The following CACNA1E variants were observed in gnomAD, a reference collection of about 807,000 sequenced individuals.
CACNA1E encodes the protein calcium voltage-gated channel subunit alpha1 E.
Under a neutral mutation model 259.2 loss-of-function variants are expected in CACNA1E, and 40 were observed. That is an observed-to-expected ratio of 0.15 (90% CI 0.12 to 0.20). CACNA1E has a LOEUF of 0.20. CACNA1E is among the 10% of genes least tolerant of loss of function. The pLI is 1.00. For missense variants in CACNA1E, 1,874 were observed against 3,040.1 expected (o/e 0.62, Z 9.02); for synonymous variants, 1,104 against 1,138.5 (o/e 0.97, Z 0.61).
intron 1 of CACNA1E, among the ~76,000 whole-genome samples, chr1:181,394,713 T>TTC (rs1452252201): frequency 6.6e-6 from 1 of 152,128 alleles, no homozygotes; most frequent in Non-Finnish European, 1.5e-5. Flanking sequence ...TAAGGTGATA[T>TTC]TTGAGCAAAT....
chr1:181,365,755 A>T (rs187377710), intron 1 of CACNA1E, among the ~76,000 whole-genome samples: 268 of 152,344 alleles, frequency 1.8e-3, no homozygotes, highest in Non-Finnish European at 1.8e-3. Context: ...GGCTGGGGCC[A>T]TGGACCTGCT....
chr1:181,780,215 C>A (rs1403871103), intron 38 of CACNA1E, among the ~76,000 whole-genome samples: 1 of 152,198 alleles, frequency 6.6e-6, no homozygotes, highest in Admixed American at 6.5e-5. Context: ...TGAAGCACTA[C>A]TGAGAGAGTC....
At chr1:181,319,341 TGA>T (rs1330403328) in intron 1 of CACNA1E, among the ~76,000 whole-genome samples, 1 of 152,192 alleles carries the variant, frequency 6.6e-6, no homozygotes, top group Admixed American at 6.5e-5. Flanking sequence ...TTATCTCCAC[TGA>T]GGTCAGAACC....
At chr1:181,785,107 G>A (rs145042507) in intron 41 of CACNA1E, among the ~76,000 whole-genome samples, 2 of 152,224 alleles carry the variant, frequency 1.3e-5, no homozygotes, top group African/African-American at 2.4e-5. Flanking sequence ...ATCACTAGGT[G>A]GGCATGCAAG....
rs1284790703 is a variant in CACNA1E at position 181,485,188 on chromosome 1, T to C, written c.266+1178T>C. On this transcript the variant is annotated intron_variant, in intron 1 of 47. Transcript: ENST00000367573. This position sits in a 1 kb window ranked among gnomAD's most constrained non-coding sequence, Gnocchi z 4.2. ...TGCATCTGCAATGGAGGCCCCTTCT[T>C]TTCTCCCCTATTCTCCCTCTTTCCC... 6.6e-6 allele frequency among the ~76,000 whole-genome samples: 1 copy of C among 152,076 alleles called. No homozygotes were observed. The highest frequency in any genetic ancestry group is 1.5e-5 in the Non-Finnish European group (1 of 68,006).
chr1:181,757,027 C>T lies in CACNA1E; in HGVS notation c.4230C>T (p.Phe1410=). The T allele has an allele frequency of 6.2e-7, 1 of 1,613,724 alleles. No homozygotes were observed. The highest frequency in any genetic ancestry group is 1.1e-5 in the South Asian group (1 of 91,078). ...SIFYVVYFVV[F]PFFFVNIFVA... ...TTTATGTAGTCTACTTTGTGGTCTT[C>T]CCCTTCTTCTTTGTCAATATCTTTG... is the stretch of plus-strand genomic sequence containing the variant. Residue 1410 remains phenylalanine (F), a synonymous_variant, in exon 30 of 48, where the codon TTC becomes TTT. Transcript: ENST00000367573.
At chr1:181,421,679 T>C (rs1319034069) in intron 2 of CACNA1E, among the ~76,000 whole-genome samples, 2 of 152,180 alleles carry the variant, frequency 1.3e-5, no homozygotes, top group Non-Finnish European at 2.9e-5. Flanking sequence ...ATATTCTCAT[T>C]ATCTTTTATT....
intron 1 of CACNA1E, among the ~76,000 whole-genome samples, chr1:181,346,123 G>A (rs1652575214): frequency 6.6e-6 from 1 of 152,204 alleles, no homozygotes; most frequent in Admixed American, 6.5e-5. Context: ...GGGCACTGAA[G>A]GTCAGCGAGG....
intron 1 of CACNA1E, among the ~76,000 whole-genome samples, chr1:181,335,713 G>A (rs979842898): frequency 5.3e-5 from 8 of 152,250 alleles, no homozygotes; most frequent in Middle Eastern, 6.8e-3. Flanking sequence ...ATCTCCATTC[G>A]TCTATGTGGA....
At chr1:181,543,965 C>G (rs907463881) in intron 3 of CACNA1E, among the ~76,000 whole-genome samples, 1 of 152,132 alleles carries the variant, frequency 6.6e-6, no homozygotes, top group African/African-American at 2.4e-5. Flanking sequence ...AGCTATTTCA[C>G]CTCTAGAAAT....
chr1:181,444,610 T>C (rs1660695318), intron 2 of CACNA1E, among the ~76,000 whole-genome samples: 1 of 152,050 alleles, frequency 6.6e-6, no homozygotes, highest in Admixed American at 6.6e-5. Flanking sequence ...AGAAGAAGAA[T>C]AGTTTGGGGA....
intron 1 of CACNA1E, among the ~76,000 whole-genome samples, chr1:181,353,624 T>A (rs746776686): frequency 4.6e-5 from 7 of 152,188 alleles, no homozygotes; most frequent in Non-Finnish European, 2.9e-5. Flanking sequence ...CAGTGAACCA[T>A]GCATGCTAGA....
At chr1:181,411,672 C>T (rs938586482) in intron 1 of CACNA1E, among the ~76,000 whole-genome samples, 18 of 152,206 alleles carry the variant, frequency 1.2e-4, no homozygotes, top group African/African-American at 2.4e-4. Context: ...TGCAATGGTG[C>T]GGTTTCAGCT....
chr1:181,664,409 G>C (rs547248344), intron 7 of CACNA1E, among the ~76,000 whole-genome samples: 1 of 152,176 alleles, frequency 6.6e-6, no homozygotes, highest in Non-Finnish European at 1.5e-5. Context: ...CCTCCATGGA[G>C]CTTATATTTT....
chr1:181,715,436 C>T lies in CACNA1E; in HGVS notation c.1225+45C>T, dbSNP rs555358370. ...CCTTATTCCAGTTGCATTTGCCCCT[C>T]TTAGGCGATGGCAATCTCTGTTATT... On this transcript the variant is annotated intron_variant, in intron 9 of 47. Transcript: ENST00000367573. 1.8e-5 allele frequency: 20 copies of T among 1,099,474 alleles called. 1 individual carries two copies. The East Asian group carries it at 2.2e-4, about 12-fold the overall frequency. 68.1% of individuals were successfully genotyped at this position (1,099,474 alleles called of 1,614,324 possible).
intron 1 of CACNA1E, among the ~76,000 whole-genome samples, chr1:181,391,211 T>C (rs1489849600): frequency 6.6e-6 from 1 of 152,200 alleles, no homozygotes; most frequent in East Asian, 1.9e-4. Context: ...AAAATTCTAC[T>C]CATTTTCCTC....
Position 181,718,113 on chromosome 1 carries a change from T to C in CACNA1E, c.1584T>C (p.Tyr528=), listed in dbSNP as rs755784716. The change falls in exon 12 of 48, where the codon TAT becomes TAC. Residue 528 remains tyrosine, a synonymous_variant. Coordinates refer to ENST00000367573, the MANE Select transcript of CACNA1E (RefSeq NM_001205293.3). ...LFLLEMSLKM[Y]GMGPRLYFHS... ...TCTTGGAGATGTCCCTGAAGATGTA[T>C]GGCATGGGGCCTCGCCTTTATTTTC... 2 of 1,611,890 alleles carry C rather than the reference T, an allele frequency of 1.2e-6. No homozygotes were observed. The highest frequency in any genetic ancestry group is 1.3e-5 in the African/African-American group (1 of 74,926).
At chr1:181,733,785 A>C in intron 21 of CACNA1E, 35 bp downstream of exon 21, 1 of 1,425,642 alleles carries the variant, frequency 7.0e-7, no homozygotes. Flanking sequence ...TCCACCCCCA[A>C]CTCCTATCCC....
chr1:181,692,315 A>T (rs558211964), intron 7 of CACNA1E, among the ~76,000 whole-genome samples: 1 of 152,350 alleles, frequency 6.6e-6, no homozygotes, highest in East Asian at 1.9e-4. Flanking sequence ...TAAAATTTAC[A>T]TGGAGCTAAA....
Sources: gnomAD v4.1 joint callset for allele counts (sites outside exome capture counted in the v4.1 genomes callset) on GRCh38, gnomAD v4.1.1 for gene constraint, Gnocchi (gnomAD v3.1) non-coding constraint, MANE v1.5 for transcripts, NCBI Gene and HGNC (gene_info 2026-07-23, HGNC 2026-07-21) for gene names.